Variants in PALLD observed in about 807,000 individuals in gnomAD.
PALLD encodes the protein palladin, cytoskeletal associated protein.
Under a neutral mutation model 123.5 loss-of-function variants are expected in PALLD, and 61 were observed. The ratio of observed to expected loss-of-function variants is 0.49; its 90% CI spans 0.40 to 0.61. PALLD has a LOEUF of 0.61. Among genes scored for constraint, PALLD ranks in the 20% least tolerant of loss-of-function variants. The pLI is 0.00. For synonymous variants in PALLD, 465 were observed against 496.4 expected, an observed-to-expected ratio of 0.94 and a Z score of 0.84; for missense variants, 1,273 against 1,377.0, an observed-to-expected ratio of 0.92 and a Z score of 1.20.
At chr4:168,761,659 T>TG (rs1320473045) in intron 10 of PALLD, among the ~76,000 whole-genome samples, 8 of 42,130 alleles carry the variant, frequency 1.9e-4, no homozygotes, top group Non-Finnish European at 3.9e-4. Context: ...TTTTTTTTTT[T>TG]TTTTTTTTTT....
intron 19 of PALLD, 150 bp from the exon 20 acceptor site, chr4:168,924,795 T>A (rs1192974781): frequency 1.3e-6 from 1 of 757,450 alleles, no homozygotes; most frequent in Non-Finnish European, 2.2e-6. Context: ...TTAACTTTAA[T>A]GGAGCTAGTA....
At chr4:168,759,951 G>A (rs1732592616) in intron 10 of PALLD, among the ~76,000 whole-genome samples, 1 of 152,038 alleles carries the variant, frequency 6.6e-6, no homozygotes, top group Non-Finnish European at 1.5e-5. Context: ...CTGCTGGGGA[G>A]GCTGAAGCAT....
intron 2 of PALLD, among the ~76,000 whole-genome samples, chr4:168,513,265 G>A (rs1197495259): frequency 6.6e-6 from 1 of 152,122 alleles, no homozygotes; most frequent in African/African-American, 2.4e-5. Flanking sequence ...CAGGAGCTCC[G>A]CAGGTCTGCC....
intron 2 of PALLD, among the ~76,000 whole-genome samples, chr4:168,595,960 A>AC (rs1561286480): frequency 6.6e-6 from 1 of 151,050 alleles, no homozygotes; most frequent in African/African-American, 2.4e-5. Context: ...AAAAAAAAAA[A>AC]CAGAATACCC....
intron 10 of PALLD, among the ~76,000 whole-genome samples, chr4:168,755,161 A>T (rs1387101934): frequency 2.1e-5 from 3 of 144,338 alleles, no homozygotes; most frequent in African/African-American, 5.1e-5. Flanking sequence ...TGAGCCTGGG[A>T]GGCGGAGCTT....
chr4:168,625,530 T>TA (rs1775182416), intron 2 of PALLD, among the ~76,000 whole-genome samples: 6 of 60,368 alleles, frequency 9.9e-5, no homozygotes, highest in South Asian at 8.1e-4. Flanking sequence ...CTATAAGGGG[T>TA]TAATATTCAG....
At chr4:168,579,325 T>C (rs1473817870) in intron 2 of PALLD, among the ~76,000 whole-genome samples, 1 of 152,194 alleles carries the variant, frequency 6.6e-6, no homozygotes, top group Non-Finnish European at 1.5e-5. Flanking sequence ...GAATGTCATA[T>C]TGAAGCATGC....
intron 2 of PALLD, among the ~76,000 whole-genome samples, chr4:168,522,501 A>G (rs1763653838): frequency 6.6e-6 from 1 of 152,216 alleles, no homozygotes; most frequent in Non-Finnish European, 1.5e-5. Context: ...TCTTTTCTGC[A>G]GAGTCTATTT....
intron 3 of PALLD, among the ~76,000 whole-genome samples, chr4:168,679,301 GGTGT>G (rs1303242824): frequency 2.2e-5 from 2 of 91,840 alleles, no homozygotes; most frequent in Non-Finnish European, 4.4e-5. Context: ...GTGTGTGGGG[GGTGT>G]GTGTGTGGTG....
chr4:168,723,561 TGAG>T (rs1472745235), intron 10 of PALLD, among the ~76,000 whole-genome samples: 1 of 152,128 alleles, frequency 6.6e-6, no homozygotes, highest in Non-Finnish European at 1.5e-5. Flanking sequence ...AGAAGGAAGA[TGAG>T]GAGGAAGAAA....
chr4:168,534,283 G>T (rs573840194), intron 2 of PALLD, among the ~76,000 whole-genome samples: 1 of 152,214 alleles, frequency 6.6e-6, no homozygotes, highest in Non-Finnish European at 1.5e-5. Context: ...CCAGGAGCAA[G>T]ACCAGAGCCA....
chr4:168,795,887 A>AT (rs1337360553), intron 10 of PALLD, among the ~76,000 whole-genome samples: 20 of 147,406 alleles, frequency 1.4e-4, no homozygotes, highest in Admixed American at 4.5e-4. Flanking sequence ...TTTTGTACTT[A>AT]TTTTTTTTTA....
chr4:168,894,552 G>A, intron 11 of PALLD, 27 bp from the exon 12 acceptor site: 1 of 1,483,506 alleles, frequency 6.7e-7, no homozygotes, highest in Non-Finnish European at 9.4e-7. Flanking sequence ...TTCTAATTTT[G>A]TATTTTTTGT....
At chr4:168,687,798 C>T (rs1433816812) in intron 6 of PALLD, among the ~76,000 whole-genome samples, 2 of 152,178 alleles carry the variant, frequency 1.3e-5, no homozygotes. Flanking sequence ...AAAAGATAAC[C>T]ATGAAGCATT....
At chr4:168,759,745 G>T (rs1209349831) in intron 10 of PALLD, among the ~76,000 whole-genome samples, 1 of 152,136 alleles carries the variant, frequency 6.6e-6, no homozygotes, top group Non-Finnish European at 1.5e-5. Flanking sequence ...CAAAAAGAAT[G>T]CCACTGACAC....
intron 2 of PALLD, among the ~76,000 whole-genome samples, chr4:168,665,211 T>C (rs1332943895): frequency 1.3e-5 from 2 of 152,186 alleles, no homozygotes; most frequent in Non-Finnish European, 2.9e-5. Context: ...CTTGTCTTTA[T>C]CACAACCATG....
intron 16 of PALLD, 139 bp downstream of exon 16, chr4:168,914,160 G>A: frequency 1.5e-6 from 1 of 683,120 alleles, no homozygotes; most frequent in South Asian, 1.6e-5. Flanking sequence ...GAAGCCTGTG[G>A]CTCCTTGATT....
chr4:168,662,129 G>A (rs1779191663), intron 2 of PALLD, among the ~76,000 whole-genome samples: 1 of 152,164 alleles, frequency 6.6e-6, no homozygotes, highest in South Asian at 2.1e-4. Context: ...GAATGGGAAT[G>A]TAGATAATAA....
chr4:168,526,154 G>A (rs1357965398), intron 2 of PALLD, among the ~76,000 whole-genome samples: 1 of 152,156 alleles, frequency 6.6e-6, no homozygotes, highest in African/African-American at 2.4e-5. Context: ...CAAGAACCAT[G>A]GGTTTTTTTG....
Sources: allele counts gnomAD v4.1 joint callset (sites outside exome capture counted in the v4.1 genomes callset), GRCh38; gene constraint gnomAD v4.1.1; transcripts MANE v1.5; gene names NCBI Gene and HGNC (gene_info 2026-07-23, HGNC 2026-07-21).